The following SH3PXD2A variants were observed in gnomAD, a reference collection of about 807,000 sequenced individuals.
The protein encoded by SH3PXD2A is SH3 and PX domains 2A.
A neutral mutation model predicts 115.2 loss-of-function variants in SH3PXD2A; 32 were observed. That is an observed-to-expected ratio of 0.28 (90% CI 0.21 to 0.37). The LOEUF is 0.37. Ranked by LOEUF, SH3PXD2A falls within the 10% of genes least tolerant of loss-of-function variation. The pLI is 1.00. For synonymous variants in SH3PXD2A, 610 were observed against 629.1 expected (o/e 0.97, Z 0.45); for missense variants, 1,328 against 1,498.7 (o/e 0.89, Z 1.88).
intron 5 of SH3PXD2A, among the ~76,000 whole-genome samples, chr10:103,703,190 C>T (rs1013070209): frequency 1.3e-5 from 2 of 152,198 alleles, no homozygotes; most frequent in Admixed American, 1.3e-4. Flanking sequence ...ACACTCCTCC[C>T]ACACACCTAG....
intron 5 of SH3PXD2A, among the ~76,000 whole-genome samples, chr10:103,709,907 A>T (rs1172101361): frequency 1.3e-5 from 2 of 152,012 alleles, no homozygotes; most frequent in African/African-American, 4.8e-5. Flanking sequence ...GGAGTTCGAG[A>T]CCAGTGTGAC....
chr10:103,731,713 T>C (rs980233068), intron 4 of SH3PXD2A, among the ~76,000 whole-genome samples: 1 of 151,862 alleles, frequency 6.6e-6, no homozygotes, highest in Non-Finnish European at 1.5e-5. Flanking sequence ...ACAACATTAC[T>C]CTCCTCAAGG....
chr10:103,833,789 C>T (rs1564900125), intron 1 of SH3PXD2A, among the ~76,000 whole-genome samples: 1 of 152,172 alleles, frequency 6.6e-6, no homozygotes. Context: ...GGCCACTTCC[C>T]TATTAGCTGC....
Position 103,627,067 on chromosome 10 carries a change from C to T in SH3PXD2A, c.718+22G>A, listed in dbSNP as rs1194305619. ...TCCAGAGGCCGCGTTGCTCCCTGCC[C>T]CTTGGACCTGCAAGCCCTCACCTTC... On this transcript the variant is annotated intron_variant, in intron 9 of 14. Coordinates refer to ENST00000369774, the MANE Select transcript of SH3PXD2A (RefSeq NM_001394015.1). The surrounding 1 kb of genome is among the most constrained non-coding windows in gnomAD (Gnocchi z 4.4). 4 of 1,396,590 alleles carry T rather than the reference C, an allele frequency of 2.9e-6. No individual in the cohort carries two copies. The highest frequency in any genetic ancestry group is 4.1e-6 in the Non-Finnish European group (4 of 981,516). The allele number at this position is 1,396,590 out of a possible 1,614,324, so 86.5% of individuals were successfully genotyped here. A position where few individuals can be genotyped will look rare whatever the true frequency, so the allele number is the denominator to read the frequency against.
intron 1 of SH3PXD2A, among the ~76,000 whole-genome samples, chr10:103,825,710 G>A: frequency 6.6e-6 from 1 of 151,570 alleles, no homozygotes; most frequent in East Asian, 1.9e-4. Flanking sequence ...GCTTAGTTCT[G>A]TATGAAGCTG....
At chr10:103,649,320 G>A (rs960716935) in intron 8 of SH3PXD2A, among the ~76,000 whole-genome samples, 6 of 152,220 alleles carry the variant, frequency 3.9e-5, no homozygotes, top group African/African-American at 1.4e-4. Flanking sequence ...GCTCAGAGAG[G>A]TGAAGTGGCT....
intron 1 of SH3PXD2A, among the ~76,000 whole-genome samples, chr10:103,811,134 C>A (rs148986447): frequency 8.0e-4 from 122 of 152,290 alleles, no homozygotes; most frequent in African/African-American, 2.9e-3. Context: ...CCCTCTGGGG[C>A]TGGACACTTT....
chr10:103,764,028 G>C (rs1397830260), intron 3 of SH3PXD2A, among the ~76,000 whole-genome samples: 1 of 152,222 alleles, frequency 6.6e-6, no homozygotes, highest in Non-Finnish European at 1.5e-5. Flanking sequence ...GCCACTAGCA[G>C]GCGAATCCTC....
chr10:103,765,662 A>G (rs912846759), intron 3 of SH3PXD2A, among the ~76,000 whole-genome samples: 1 of 152,220 alleles, frequency 6.6e-6, no homozygotes, highest in African/African-American at 2.4e-5. Flanking sequence ...CCCCAAGGCC[A>G]GCCTAACACG....
intron 1 of SH3PXD2A, among the ~76,000 whole-genome samples, chr10:103,817,137 C>A (rs1417530903): frequency 6.6e-6 from 1 of 151,246 alleles, no homozygotes; most frequent in Non-Finnish European, 1.5e-5. Context: ...AGCCACCATG[C>A]CCGGTCTATT....
intron 1 of SH3PXD2A, among the ~76,000 whole-genome samples, chr10:103,826,839 G>C (rs963101735): frequency 2.6e-5 from 4 of 152,228 alleles, no homozygotes; most frequent in African/African-American, 9.6e-5. Context: ...CAAAAGATCA[G>C]ATGAGATAAC....
intron 6 of SH3PXD2A, among the ~76,000 whole-genome samples, chr10:103,676,160 G>T (rs1415291591): frequency 6.6e-6 from 1 of 152,224 alleles, no homozygotes; most frequent in Non-Finnish European, 1.5e-5. Flanking sequence ...CCTCATGGGG[G>T]ATGTCATTTT....
At chr10:103,848,945 A>G (rs1296011478) in intron 1 of SH3PXD2A, among the ~76,000 whole-genome samples, 1 of 96,974 alleles carries the variant, frequency 1.0e-5, no homozygotes, top group East Asian at 3.2e-4. Flanking sequence ...TTCCCCATAT[A>G]TTCTTTTTTT....
chr10:103,600,498 T>C lies in SH3PXD2A; in HGVS notation c.*1318A>G, dbSNP rs1185772202. Reference sequence around the variant, plus strand: ...AGCCGGGTCCCCCCTCTGCCCATAGTGGGGACAATGGCTGCTTCTCCATGC... The same window carrying C: ...AGCCGGGTCCCCCCTCTGCCCATAGCGGGGACAATGGCTGCTTCTCCATGC... On this transcript the variant is annotated 3_prime_UTR_variant, in exon 15 of 15. Transcript: ENST00000369774. 6.6e-6 allele frequency: 1 copy of C among 152,216 alleles called. No individual in the cohort carries two copies. Among genetic ancestry groups the C allele is most frequent in the Non-Finnish European group, 1.5e-5 (1 of 68,042 alleles). The allele number at this position is 152,216 out of a possible 1,614,324, so 9.4% of individuals were successfully genotyped here.
chr10:103,669,531 C>A (rs1373426428), intron 6 of SH3PXD2A, among the ~76,000 whole-genome samples: 2 of 152,258 alleles, frequency 1.3e-5, no homozygotes, highest in Non-Finnish European at 2.9e-5. Context: ...GCCACCATGT[C>A]AAAAGCATTG....
chr10:103,611,732 C>T, intron 12 of SH3PXD2A, 102 bp from the exon 13 acceptor site: 1 of 913,420 alleles, frequency 1.1e-6, no homozygotes, highest in Non-Finnish European at 1.8e-6. Context: ...CCTTCAAGTT[C>T]ATGCTTTAGC....
intron 3 of SH3PXD2A, among the ~76,000 whole-genome samples, chr10:103,740,927 G>A (rs1589436650): frequency 1.3e-5 from 2 of 152,178 alleles, no homozygotes; most frequent in South Asian, 2.1e-4. Context: ...AGACAGATGA[G>A]GGCCTTGCTC....
chr10:103,747,489 A>G (rs1277287084), intron 3 of SH3PXD2A, among the ~76,000 whole-genome samples: 1 of 152,174 alleles, frequency 6.6e-6, no homozygotes, highest in Admixed American at 6.5e-5. Context: ...GCTTCCTGGC[A>G]GCCTCTCCCT....
At chr10:103,758,042 G>A (rs1055510314) in intron 3 of SH3PXD2A, among the ~76,000 whole-genome samples, 5 of 152,192 alleles carry the variant, frequency 3.3e-5, no homozygotes, top group African/African-American at 1.2e-4. Context: ...TGCATTAACT[G>A]CTTGCGATGT....
Sources: gnomAD v4.1 joint callset for allele counts (sites outside exome capture counted in the v4.1 genomes callset) on GRCh38, gnomAD v4.1.1 for gene constraint, Gnocchi (gnomAD v3.1) non-coding constraint, MANE v1.5 for transcripts, NCBI Gene and HGNC (gene_info 2026-07-23, HGNC 2026-07-21) for gene names.